ASB5: variants seen among roughly 807,000 people sequenced by gnomAD.
ASB5 encodes ankyrin repeat and SOCS box containing 5.
ASB5 carries 45 observed loss-of-function variants against 42.1 expected under a neutral mutation model. That is an observed-to-expected ratio of 1.07 (90% CI 0.84 to 1.37). The LOEUF is 1.37. Ranked by LOEUF, ASB5 falls within the 40% of genes most tolerant of loss-of-function variation. The pLI, the probability that ASB5 is intolerant of heterozygous loss-of-function variation, is 0.00. For missense variants in ASB5, 402 were observed against 399.8 expected, an observed-to-expected ratio of 1.01 and a Z score of -0.05; for synonymous variants, 147 against 150.6, an observed-to-expected ratio of 0.98 and a Z score of 0.18.
chr4:176,236,541 C>T (rs1753688556), intron 1 of ASB5, among the ~76,000 whole-genome samples: 1 of 152,126 alleles, frequency 6.6e-6, no homozygotes, highest in African/African-American at 2.4e-5. Context: ...GATCCAGTTG[C>T]TTTCTCAAAC....
chr4:176,239,166 C>T lies in ASB5; in HGVS notation c.197-13825G>A, dbSNP rs138328427. 6.0e-3 allele frequency among the ~76,000 whole-genome samples: 920 copies of T among 152,280 alleles called. 7 individuals are homozygous for T. The highest frequency in any genetic ancestry group is 0.02 in the African/African-American group (813 of 41,560). ...AAAGACTGAAGGGGCCTATTCAGTC[C>T]AGCATATTTACATGAAGCAATTGTC... On this transcript the variant is annotated intron_variant, in intron 1 of 6. Transcript: ENST00000296525.
chr4:176,216,911 C>A lies in ASB5; in HGVS notation c.769G>T (p.Ala257Ser). 6.2e-7 allele frequency: 1 copy of A among 1,614,016 alleles called. No homozygotes were observed. Among genetic ancestry groups the A allele is most frequent in the South Asian group, 1.1e-5 (1 of 91,068 alleles). The change falls in exon 6 of 7, where the codon GCA (alanine) becomes TCA (serine). Residue 257 changes from alanine (A) to serine (S), a missense_variant. Physicochemically the swap from Ala to Ser is moderately conservative, Grantham distance 99 (BLOSUM62 1). Coordinates refer to ENST00000296525, the MANE Select transcript of ASB5 (RefSeq NM_080874.4). Reference protein sequence around the residue: ...EIVNLLLEFGADINAKNTELL... With the variant: ...EIVNLLLEFGSDINAKNTELL... ...TCTGTATTTTTGGCATTGATATCTG[C>A]TCCAAATTCTAGCAGTAAGTTTACA...
intron 1 of ASB5, among the ~76,000 whole-genome samples, chr4:176,267,608 T>C (rs1205833388): frequency 6.6e-6 from 1 of 152,144 alleles, no homozygotes; most frequent in East Asian, 1.9e-4. Context: ...GTGATAATGT[T>C]AGCCCCAGTC....
upstream of ASB5, among the ~76,000 whole-genome samples, chr4:176,272,182 A>G (rs921107021): frequency 1.3e-5 from 2 of 152,226 alleles, no homozygotes; most frequent in Non-Finnish European, 2.9e-5. Context: ...CTAAAACAAC[A>G]GAAAGTCAAG....
chr4:176,245,388 C>T (rs994459379), intron 1 of ASB5, among the ~76,000 whole-genome samples: 3 of 152,156 alleles, frequency 2.0e-5, no homozygotes, highest in Non-Finnish European at 4.4e-5. Context: ...ATTAAAAAGT[C>T]AGGAAACAAC....
intron 2 of ASB5, among the ~76,000 whole-genome samples, chr4:176,223,173 C>T (rs1463411385): frequency 1.3e-5 from 2 of 152,106 alleles, no homozygotes; most frequent in Non-Finnish European, 2.9e-5. Flanking sequence ...ACTTTTGTCC[C>T]TAAATAGGTA....
intron 1 of ASB5, among the ~76,000 whole-genome samples, chr4:176,227,644 T>A (rs1398522629): frequency 6.6e-6 from 1 of 152,134 alleles, no homozygotes; most frequent in Admixed American, 6.5e-5. Flanking sequence ...GTTTTCCAGG[T>A]GAGGAAACTG....
chr4:176,267,430 C>A (rs563253430), intron 1 of ASB5, among the ~76,000 whole-genome samples: 3 of 152,046 alleles, frequency 2.0e-5, no homozygotes, highest in Non-Finnish European at 4.4e-5. Context: ...TTTGAGACCA[C>A]CTTAGGCGGA....
intron 1 of ASB5, among the ~76,000 whole-genome samples, chr4:176,267,701 G>T (rs2126979910): frequency 6.6e-6 from 1 of 152,218 alleles, no homozygotes; most frequent in East Asian, 1.9e-4. Flanking sequence ...ATTTACTTGA[G>T]ATTTTATCTT....
intron 1 of ASB5, among the ~76,000 whole-genome samples, chr4:176,248,271 G>T (rs1393261726): frequency 6.6e-6 from 1 of 152,038 alleles, no homozygotes; most frequent in Non-Finnish European, 1.5e-5. Flanking sequence ...GGGTCTACAG[G>T]TGCACACTAC....
chr4:176,225,175 G>C, intron 2 of ASB5, 87 bp downstream of exon 2: 1 of 1,083,390 alleles, frequency 9.2e-7, no homozygotes, highest in Non-Finnish European at 1.4e-6. Context: ...AATGTAAGTG[G>C]TTTTATCATA....
At chr4:176,235,763 AAATCTAGTGAAAG>A (rs1753669193) in intron 1 of ASB5, among the ~76,000 whole-genome samples, 1 of 152,008 alleles carries the variant, frequency 6.6e-6, no homozygotes, top group South Asian at 2.1e-4. Flanking sequence ...ATGTAAAGCT[AAATCTAGTGAAAG>A]TTTGCTAAGA....
At chr4:176,255,891 A>G (rs1399209830) in intron 1 of ASB5, among the ~76,000 whole-genome samples, 2 of 152,246 alleles carry the variant, frequency 1.3e-5, no homozygotes, top group Non-Finnish European at 2.9e-5. Context: ...AAAGAAAAAT[A>G]GCAATTATGC....
intron 1 of ASB5, among the ~76,000 whole-genome samples, chr4:176,236,125 T>C (rs1379189471): frequency 2.0e-4 from 30 of 152,216 alleles, no homozygotes. Context: ...TCTATCTGCA[T>C]TGAAGATATG....
chr4:176,215,816 C>T, intron 6 of ASB5, 89 bp from the exon 7 acceptor site: 1 of 1,318,482 alleles, frequency 7.6e-7, no homozygotes, highest in Non-Finnish European at 1.0e-6. Flanking sequence ...ATAAAAACTA[C>T]AATGCTTTGT....
At chr4:176,271,210 G>A (rs548384846), upstream of ASB5, among the ~76,000 whole-genome samples, 1 of 152,150 alleles carries the variant, frequency 6.6e-6, no homozygotes, top group Admixed American at 6.5e-5. Flanking sequence ...CTCTCCCTCA[G>A]CAAATTTCAC....
intron 1 of ASB5, among the ~76,000 whole-genome samples, chr4:176,225,998 A>G (rs550347054): frequency 6.6e-6 from 1 of 152,366 alleles, no homozygotes; most frequent in Admixed American, 6.5e-5. Context: ...GAGATTAAGT[A>G]TAGCTTAAGA....
At chr4:176,256,733 G>C (rs533328759) in intron 1 of ASB5, among the ~76,000 whole-genome samples, 1 of 152,250 alleles carries the variant, frequency 6.6e-6, no homozygotes, top group South Asian at 2.1e-4. Flanking sequence ...GACCTCGGGA[G>C]TCTGAGACCA....
rs375154926 is a variant in ASB5, at chr4:176,246,294, C to T, written c.197-20953G>A. On this transcript the variant is annotated intron_variant, in intron 1 of 6. Transcript: ENST00000296525. ...GGGAAAAAGGAAGAATGATGCTATT[C>T]GATGAGATTTTTCTGAGGCAATCTT... is the stretch of plus-strand genomic sequence containing the variant. Among the ~76,000 whole-genome samples the T allele has an allele frequency of 9.2e-5, 14 of 152,168 alleles. No homozygotes were observed. The East Asian group carries it at 1.7e-3, about 19-fold the overall frequency.
Sources: gnomAD v4.1 joint callset for allele counts (sites outside exome capture counted in the v4.1 genomes callset) on GRCh38, gnomAD v4.1.1 for gene constraint, MANE v1.5 for transcripts, NCBI Gene and HGNC (gene_info 2026-07-23, HGNC 2026-07-21) for gene names.